Variants in TBC1D5 observed in about 807,000 individuals in gnomAD.
The protein encoded by TBC1D5 is TBC1 domain family member 5.
A neutral mutation model predicts 100.3 loss-of-function variants in TBC1D5; 75 were observed. That is an observed-to-expected ratio of 0.75 (90% CI 0.62 to 0.91). TBC1D5 has a LOEUF of 0.91. Among genes scored for constraint, TBC1D5 ranks in the 40% least tolerant of loss-of-function variants. TBC1D5 has a pLI of 0.00. For synonymous variants in TBC1D5, 323 were observed against 325.6 expected (o/e 0.99, Z 0.09); for missense variants, 910 against 942.4 (o/e 0.97, Z 0.45).
intron 15 of TBC1D5, among the ~76,000 whole-genome samples, chr3:17,284,601 T>C (rs1056499354): frequency 1.3e-5 from 2 of 152,196 alleles, no homozygotes; most frequent in Non-Finnish European, 2.9e-5. Flanking sequence ...TTCAAAATAC[T>C]ATAAAACTAA....
intron 13 of TBC1D5, among the ~76,000 whole-genome samples, chr3:17,371,423 T>C (rs1329275427): frequency 6.6e-6 from 1 of 152,196 alleles, no homozygotes; most frequent in African/African-American, 2.4e-5. Flanking sequence ...CTTGCATCTT[T>C]CTTTTGCACT....
chr3:17,526,472 G>A (rs549375203), intron 2 of TBC1D5, among the ~76,000 whole-genome samples: 9 of 152,094 alleles, frequency 5.9e-5, no homozygotes, highest in Non-Finnish European at 1.2e-4. Flanking sequence ...CTCCCAACAT[G>A]AGCCACAACG....
intron 1 of TBC1D5, chr3:17,702,318 T>C (rs1456824902): frequency 2.6e-5 from 4 of 151,946 alleles, no homozygotes; most frequent in Non-Finnish European, 5.9e-5. Context: ...TATGAAATTA[T>C]GGCATTACAC....
chr3:17,703,565 G>A (rs567755596), intron 1 of TBC1D5, among the ~76,000 whole-genome samples: 68 of 151,948 alleles, frequency 4.5e-4, no homozygotes, highest in African/African-American at 1.5e-3. Flanking sequence ...TTAGGGAGTG[G>A]GTGGGAAAGA....
intron 2 of TBC1D5, among the ~76,000 whole-genome samples, chr3:17,560,795 T>C (rs754120654): frequency 1.9e-4 from 29 of 151,062 alleles, no homozygotes; most frequent in Non-Finnish European, 4.1e-4. Flanking sequence ...GTGGCCCGCG[T>C]CTGTAATCCC....
At chr3:17,249,585 A>T (rs1464033185) in intron 16 of TBC1D5, among the ~76,000 whole-genome samples, 3 of 151,742 alleles carry the variant, frequency 2.0e-5, no homozygotes, top group Non-Finnish European at 4.4e-5. Context: ...CACGAGTAAA[A>T]CTCCCTGAGC....
intron 13 of TBC1D5, among the ~76,000 whole-genome samples, chr3:17,345,928 G>T (rs2089794686): frequency 6.6e-6 from 1 of 151,658 alleles, no homozygotes; most frequent in African/African-American, 2.4e-5. Context: ...GTGGGGTGGG[G>T]AGAGGGGGGA....
chr3:17,192,313 A>G (rs1167847999), intron 18 of TBC1D5, among the ~76,000 whole-genome samples: 1 of 152,050 alleles, frequency 6.6e-6, no homozygotes, highest in Non-Finnish European at 1.5e-5. Flanking sequence ...CTCTAAACAA[A>G]TCTGTATTCT....
chr3:17,636,338 T>C (rs190754895), intron 1 of TBC1D5, among the ~76,000 whole-genome samples: 1 of 152,308 alleles, frequency 6.6e-6, no homozygotes, highest in Admixed American at 6.5e-5. Flanking sequence ...CTTTTATTAT[T>C]CCTGTTAACT....
At chr3:17,487,518 T>C (rs1318019233) in intron 3 of TBC1D5, among the ~76,000 whole-genome samples, 3 of 152,180 alleles carry the variant, frequency 2.0e-5, no homozygotes, top group African/African-American at 7.2e-5. Flanking sequence ...AGACCACTTA[T>C]GCAAAAGATT....
intron 1 of TBC1D5, among the ~76,000 whole-genome samples, chr3:17,723,360 T>C (rs538346914): frequency 6.6e-6 from 1 of 151,970 alleles, no homozygotes; most frequent in Non-Finnish European, 1.5e-5. Context: ...AATAAAAAAA[T>C]ACATTATTAA....
chr3:17,716,050 C>T (rs2075211724), intron 1 of TBC1D5, among the ~76,000 whole-genome samples: 1 of 151,708 alleles, frequency 6.6e-6, no homozygotes, highest in South Asian at 2.1e-4. Context: ...GAAATTCCAT[C>T]TCAAAAAAAA....
intron 2 of TBC1D5, among the ~76,000 whole-genome samples, chr3:17,537,018 G>C (rs374472965): frequency 6.6e-6 from 1 of 152,132 alleles, no homozygotes; most frequent in Admixed American, 6.5e-5. Flanking sequence ...ATTTGGGAAA[G>C]GCCTAGAAAT....
intron 12 of TBC1D5, 102 bp downstream of exon 12, chr3:17,374,369 C>T (rs979106274): frequency 3.7e-6 from 4 of 1,083,804 alleles, no homozygotes; most frequent in Non-Finnish European, 5.1e-6. Context: ...TTGGTTACAG[C>T]AATAATAAAG....
At chr3:17,196,240 AG>A (rs1196839433) in intron 18 of TBC1D5, among the ~76,000 whole-genome samples, 1 of 152,148 alleles carries the variant, frequency 6.6e-6, no homozygotes, top group Non-Finnish European at 1.5e-5. Flanking sequence ...AGGTTTGGGG[AG>A]GGGCTCTGAA....
chr3:17,446,588 G>C (rs537895912), intron 3 of TBC1D5, among the ~76,000 whole-genome samples: 1 of 152,316 alleles, frequency 6.6e-6, no homozygotes, highest in Admixed American at 6.5e-5. Flanking sequence ...TGAATCTGGA[G>C]CTACCTGAAC....
chr3:17,608,171 C>G (rs757055391), intron 2 of TBC1D5, among the ~76,000 whole-genome samples: 1 of 152,066 alleles, frequency 6.6e-6, no homozygotes, highest in Admixed American at 6.6e-5. Flanking sequence ...GCAGGAGGAT[C>G]GCTTGAACCT....
chr3:17,545,947 A>T (rs1429085744), intron 2 of TBC1D5, among the ~76,000 whole-genome samples: 1 of 152,202 alleles, frequency 6.6e-6, no homozygotes, highest in East Asian at 1.9e-4. Flanking sequence ...TCCCAACTCA[A>T]GGTATAGATG....
intron 1 of TBC1D5, among the ~76,000 whole-genome samples, chr3:17,688,490 G>C (rs1472694679): frequency 6.6e-6 from 1 of 152,192 alleles, no homozygotes; most frequent in Non-Finnish European, 1.5e-5. Context: ...TTAGAAAAGT[G>C]GTTAGGTTCA....
Sources: allele counts gnomAD v4.1 joint callset (sites outside exome capture counted in the v4.1 genomes callset), GRCh38; gene constraint gnomAD v4.1.1; transcripts MANE v1.5; gene names NCBI Gene and HGNC (gene_info 2026-07-23, HGNC 2026-07-21).